Variants in NPC1 observed in about 807,000 individuals in gnomAD.
NPC1 encodes Niemann-Pick C1 protein.
Under a neutral mutation model 140.4 loss-of-function variants are expected in NPC1, and 85 were observed. That is an observed-to-expected ratio of 0.61 (90% CI 0.51 to 0.72). NPC1 has a LOEUF of 0.72. NPC1 is among the 30% of genes least tolerant of loss of function. The pLI is 0.00. For missense variants in NPC1, 1,504 were observed against 1,623.8 expected, an observed-to-expected ratio of 0.93 and a Z score of 1.27; for synonymous variants, 656 against 624.8, an observed-to-expected ratio of 1.05 and a Z score of -0.74.
intron 1 of NPC1, among the ~76,000 whole-genome samples, chr18:23,575,975 G>A (rs1424880054): frequency 6.6e-6 from 1 of 151,924 alleles, no homozygotes; most frequent in African/African-American, 2.4e-5. Flanking sequence ...TGTAATCCCA[G>A]CACTTTGGGA....
Position 23,586,473 on chromosome 18 carries a change from C to A in NPC1, c.-130G>T. 2 of 1,454,484 alleles carry A rather than the reference C, an allele frequency of 1.4e-6. No individual in the cohort carries two copies. Among genetic ancestry groups the A allele is most frequent in the Non-Finnish European group, 1.8e-6 (2 of 1,110,366 alleles). The allele number at this position is 1,454,484 out of a possible 1,614,324, so 90.1% of individuals were successfully genotyped here. On this transcript the variant is annotated 5_prime_UTR_variant, in exon 1 of 25. Transcript: ENST00000269228. ...GCGGAGGAGCAGGAGCAGGCGCTGACCGCGGCAGCAGGCTGCGCGCGCCGG... is the reference window on the plus strand; with the variant it reads ...GCGGAGGAGCAGGAGCAGGCGCTGAACGCGGCAGCAGGCTGCGCGCGCCGG...
intron 10 of NPC1, among the ~76,000 whole-genome samples, chr18:23,549,742 CTTTT>C (rs1000073339): frequency 2.9e-5 from 4 of 138,006 alleles, no homozygotes; most frequent in Non-Finnish European, 6.3e-5. Flanking sequence ...TTTTTCACAA[CTTTT>C]TTTTTTTTTT....
chr18:23,544,904 T>C lies in NPC1; in HGVS notation c.1947+56A>G, dbSNP rs796869116. The C allele has an allele frequency of 8.7e-6, 11 of 1,261,504 alleles. No homozygotes were observed. The African/African-American group carries it at 1.6e-4, about 19-fold the overall frequency. The allele number at this position is 1,261,504 out of a possible 1,614,324, so 78.1% of individuals were successfully genotyped here. On this transcript the variant is annotated intron_variant, in intron 12 of 24. Coordinates refer to ENST00000269228, the MANE Select transcript of NPC1 (RefSeq NM_000271.5). Reference sequence around the variant, plus strand: ...AGAATAAAGAGGCAAAAATATGACGTTACACTGTGCACTGCTGTTAACCTC... The same window carrying C: ...AGAATAAAGAGGCAAAAATATGACGCTACACTGTGCACTGCTGTTAACCTC...
downstream of NPC1, chr18:23,530,437 C>G (rs774020771): frequency 6.2e-7 from 1 of 1,614,264 alleles, no homozygotes; most frequent in Non-Finnish European, 8.5e-7. Context: ...TTTCCAAACA[C>G]CAAGTGTTAG....
At chr18:23,544,902 C>T (rs945340220) in intron 12 of NPC1, 58 bp downstream of exon 12, 49 of 1,233,126 alleles carry the variant, frequency 4.0e-5, no homozygotes, top group Admixed American at 5.2e-5. Flanking sequence ...AAAAATATGA[C>T]GTTACACTGT....
At chr18:23,529,959 G>A, downstream of NPC1, 3 of 1,399,950 alleles carry the variant, frequency 2.1e-6, no homozygotes, top group African/African-American at 4.3e-5. Flanking sequence ...GCCAGTCCTT[G>A]GGGAGCCTCT....
intron 3 of NPC1, among the ~76,000 whole-genome samples, chr18:23,515,355 C>T (rs1419694843): frequency 6.6e-6 from 1 of 152,144 alleles, no homozygotes; most frequent in Non-Finnish European, 1.5e-5. Flanking sequence ...ATGCCTGCCT[C>T]TCAGTCGTGG....
At chr18:23,582,017 T>C (rs2059362571) in intron 1 of NPC1, 1 of 152,218 alleles carries the variant, frequency 6.6e-6, no homozygotes, top group African/African-American at 2.4e-5. Context: ...ACTTATTGTT[T>C]TGGACTAGTC....
chr18:23,537,129 C>T (rs1052279107), intron 20 of NPC1, among the ~76,000 whole-genome samples: 3 of 151,966 alleles, frequency 2.0e-5, no homozygotes, highest in African/African-American at 7.3e-5. Context: ...AGTGCAGTGG[C>T]GTGATCTCGG....
intron 3 of NPC1, chr18:23,508,610 AG>A (rs2145138520): frequency 6.6e-6 from 1 of 152,570 alleles, no homozygotes; most frequent in African/African-American, 2.4e-5. Flanking sequence ...TGGTTGGGGT[AG>A]GGCTTTCTGC....
chr18:23,549,148 T>A (rs888275934), intron 10 of NPC1, among the ~76,000 whole-genome samples: 1 of 152,198 alleles, frequency 6.6e-6, no homozygotes, highest in Non-Finnish European at 1.5e-5. Flanking sequence ...CCAATTTTGA[T>A]AAATTCTCCC....
At chr18:23,528,027 C>T (rs2058358499), downstream of NPC1, 1 of 777,348 alleles carries the variant, frequency 1.3e-6, no homozygotes, top group Non-Finnish European at 2.0e-6. Context: ...TGCCGCCTGC[C>T]ATAGGGCAAG....
At chr18:23,577,878 T>C (rs547564480) in intron 1 of NPC1, among the ~76,000 whole-genome samples, 2 of 152,334 alleles carry the variant, frequency 1.3e-5, no homozygotes, top group Admixed American at 6.5e-5. Context: ...GCCCGGGTGC[T>C]AAGTCCCCCA....
chr18:23,544,913 G>C (rs200667921), intron 12 of NPC1, 47 bp downstream of exon 12: 1 of 1,298,104 alleles, frequency 7.7e-7, no homozygotes, highest in South Asian at 1.2e-5. Flanking sequence ...GTTACACTGT[G>C]CACTGCTGTT....
intron 3 of NPC1, among the ~76,000 whole-genome samples, chr18:23,511,331 AG>A: frequency 6.9e-6 from 1 of 144,258 alleles, no homozygotes; most frequent in Admixed American, 6.9e-5. Flanking sequence ...TGAGCAGGGG[AG>A]GGTGGGAGGA....
At chr18:23,573,734 C>A (rs1238661231) in intron 1 of NPC1, among the ~76,000 whole-genome samples, 160 bp from the exon 2 acceptor site, 1 of 152,168 alleles carries the variant, frequency 6.6e-6, no homozygotes, top group East Asian at 1.9e-4. Context: ...TTAATTAAAG[C>A]AGACCAAATG....
At chr18:23,514,480 G>A (rs764110698) in intron 3 of NPC1, among the ~76,000 whole-genome samples, 4 of 152,090 alleles carry the variant, frequency 2.6e-5, no homozygotes, top group African/African-American at 4.8e-5. Context: ...TCCCTTGAAC[G>A]TGGGAGGTGG....
chr18:23,566,540 T>C (rs948899135), intron 4 of NPC1, among the ~76,000 whole-genome samples: 1 of 150,966 alleles, frequency 6.6e-6, no homozygotes, highest in African/African-American at 2.4e-5. Context: ...AGGCCAGGAG[T>C]TCAAGACCAG....
intron 13 of NPC1, among the ~76,000 whole-genome samples, chr18:23,543,866 T>A (rs1227783201): frequency 6.6e-6 from 1 of 152,202 alleles, no homozygotes; most frequent in Non-Finnish European, 1.5e-5. Context: ...TCACGTGCAC[T>A]GAGTCTCCGC....
Sources: gnomAD v4.1 joint callset for allele counts (sites outside exome capture counted in the v4.1 genomes callset) on GRCh38, gnomAD v4.1.1 for gene constraint, MANE v1.5 for transcripts, NCBI Gene and HGNC (gene_info 2026-07-23, HGNC 2026-07-21) for gene names.